The following DOK6 variants were observed in gnomAD, a reference collection of about 807,000 sequenced individuals.
The protein encoded by DOK6 is docking protein 6.
A neutral mutation model predicts 44.0 loss-of-function variants in DOK6; 22 were observed. That is an observed-to-expected ratio of 0.50 (90% CI 0.36 to 0.71). The LOEUF is 0.71. Among genes scored for constraint, DOK6 ranks in the 30% least tolerant of loss-of-function variants. The pLI is 0.00. For synonymous variants in DOK6, 166 were observed against 145.5 expected (o/e 1.14, Z -1.01); for missense variants, 340 against 416.4 (o/e 0.82, Z 1.60).
intron 5 of DOK6, among the ~76,000 whole-genome samples, chr18:69,705,412 T>C (rs1986612239): frequency 1.3e-5 from 2 of 152,220 alleles, no homozygotes; most frequent in South Asian, 2.1e-4. Context: ...AGATATGCTC[T>C]GATTGTTTAT....
chr18:69,741,332 T>C (rs1978791459), intron 6 of DOK6, among the ~76,000 whole-genome samples: 1 of 152,246 alleles, frequency 6.6e-6, no homozygotes, highest in Non-Finnish European at 1.5e-5. Context: ...AACTACTCCA[T>C]GGCTAATTTG....
intron 1 of DOK6, among the ~76,000 whole-genome samples, chr18:69,405,592 TAAATA>T (rs149922407): frequency 0.36 from 54,140 of 149,554 alleles, 10,143 homozygotes; most frequent in Middle Eastern, 0.43. Context: ...AATAACTAAC[TAAATA>T]AAATAAAATA....
chr18:69,605,392 C>T (rs1010966673), intron 3 of DOK6, among the ~76,000 whole-genome samples: 2 of 152,076 alleles, frequency 1.3e-5, no homozygotes, highest in Non-Finnish European at 2.9e-5. Context: ...AACTAGGTCA[C>T]CTGTACAAGT....
chr18:69,603,339 A>G (rs1386786398), intron 3 of DOK6, among the ~76,000 whole-genome samples: 1 of 152,128 alleles, frequency 6.6e-6, no homozygotes, highest in Non-Finnish European at 1.5e-5. Context: ...TAATCCTACA[A>G]TTCAGCCGGC....
At chr18:69,701,636 C>T (rs1384105634) in intron 5 of DOK6, among the ~76,000 whole-genome samples, 1 of 152,170 alleles carries the variant, frequency 6.6e-6, no homozygotes, top group African/African-American at 2.4e-5. Context: ...AAAAACTAAG[C>T]ACCCATATTC....
intron 7 of DOK6, among the ~76,000 whole-genome samples, chr18:69,839,531 C>T (rs1441667445): frequency 6.6e-6 from 1 of 152,190 alleles, no homozygotes; most frequent in Non-Finnish European, 1.5e-5. Flanking sequence ...TTCATTTTTC[C>T]TTCACTATAT....
chr18:69,641,932 A>C (rs1984951928), intron 3 of DOK6, among the ~76,000 whole-genome samples: 1 of 152,232 alleles, frequency 6.6e-6, no homozygotes, highest in South Asian at 2.1e-4. Flanking sequence ...GACTGTTTAA[A>C]GCAACGATGC....
chr18:69,757,723 A>G, intron 6 of DOK6, 33 bp from the exon 7 acceptor site: 1 of 1,571,480 alleles, frequency 6.4e-7, no homozygotes, highest in Non-Finnish European at 8.8e-7. Context: ...ATATTTTAAA[A>G]CGAGGCCTAA....
chr18:69,644,651 T>C (rs1985026253), intron 3 of DOK6, among the ~76,000 whole-genome samples: 2 of 152,226 alleles, frequency 1.3e-5, no homozygotes, highest in African/African-American at 4.8e-5. Flanking sequence ...TTTTGATTAC[T>C]GCAGCTAAAT....
intron 2 of DOK6, among the ~76,000 whole-genome samples, chr18:69,580,073 T>C (rs951714991): frequency 2.6e-5 from 4 of 152,144 alleles, no homozygotes; most frequent in Non-Finnish European, 4.4e-5. Flanking sequence ...TTTTGCTACA[T>C]AATAAATCAC....
chr18:69,524,280 A>G (rs1356542750), intron 1 of DOK6, among the ~76,000 whole-genome samples: 1 of 152,058 alleles, frequency 6.6e-6, no homozygotes, highest in African/African-American at 2.4e-5. Flanking sequence ...CTATTCAATT[A>G]CACAACCCAA....
At chr18:69,676,001 G>T (rs115394330) in intron 3 of DOK6, among the ~76,000 whole-genome samples, 2,557 of 152,220 alleles carry the variant, frequency 0.017, 89 homozygotes, top group African/African-American at 0.059. Context: ...TGGTAGCCTT[G>T]TGGTTGGAAA....
At chr18:69,773,816 GA>G (rs1449294349) in intron 7 of DOK6, among the ~76,000 whole-genome samples, 2 of 151,494 alleles carry the variant, frequency 1.3e-5, no homozygotes, top group East Asian at 1.9e-4. Flanking sequence ...CTCTTGGTGG[GA>G]ATGTAAACTA....
chr18:69,743,211 T>C, intron 6 of DOK6, among the ~76,000 whole-genome samples: 1 of 152,220 alleles, frequency 6.6e-6, no homozygotes, highest in East Asian at 1.9e-4. Context: ...GGAATATGTT[T>C]CAAATATTTG....
chr18:69,724,278 A>T (rs911018468), intron 5 of DOK6, among the ~76,000 whole-genome samples: 8 of 152,234 alleles, frequency 5.3e-5, no homozygotes, highest in African/African-American at 1.9e-4. Context: ...TCTATAATTC[A>T]TCCTTACATA....
In DOK6 at chr18:69,448,521, A is replaced by G. The variant is rs535073381; in HGVS notation, c.66+47211A>G. 3.3e-5 allele frequency among the ~76,000 whole-genome samples: 5 copies of G among 152,102 alleles called. 1 individual carries two copies. The South Asian group carries it at 1.0e-3, about 32-fold the overall frequency. Reference sequence around the variant, plus strand: ...TAAGTAGCTGAGATTACAGGCATGCACCACCATGCCCAGCTAATGTTTTTG... The same window carrying G: ...TAAGTAGCTGAGATTACAGGCATGCGCCACCATGCCCAGCTAATGTTTTTG... On this transcript the variant is annotated intron_variant, in intron 1 of 7. Transcript: ENST00000382713.
chr18:69,725,391 GAACAGGA>G (rs1308376844), intron 5 of DOK6, among the ~76,000 whole-genome samples: 2 of 152,212 alleles, frequency 1.3e-5, no homozygotes, highest in African/African-American at 4.8e-5. Context: ...ATGTTCAAAA[GAACAGGA>G]AACTCTCCTG....
At chr18:69,774,408 A>C (rs1428367245) in intron 7 of DOK6, among the ~76,000 whole-genome samples, 1 of 151,756 alleles carries the variant, frequency 6.6e-6, no homozygotes, top group East Asian at 1.9e-4. Context: ...GGTTCAGTGT[A>C]TACTGCTCAG....
At chr18:69,654,024 C>T (rs73463991) in intron 3 of DOK6, among the ~76,000 whole-genome samples, 4,758 of 151,876 alleles carry the variant, frequency 0.031, 250 homozygotes, top group African/African-American at 0.11. Flanking sequence ...AGAATTGAGA[C>T]GTCTAAAAAA....
Sources: allele counts gnomAD v4.1 joint callset (sites outside exome capture counted in the v4.1 genomes callset), GRCh38; gene constraint gnomAD v4.1.1; transcripts MANE v1.5; gene names NCBI Gene and HGNC (gene_info 2026-07-23, HGNC 2026-07-21).